The following PAICS variants were observed in gnomAD, a reference collection of about 807,000 sequenced individuals.
PAICS encodes the protein phosphoribosylaminoimidazole carboxylase and phosphoribosylaminoimidazolesuccinocarboxamide synthase, also known as bifunctional phosphoribosylaminoimidazole carboxylase/phosphoribosylaminoimidazole succinocarboxamide synthetase.
In PAICS, 33 loss-of-function variants were observed where a neutral mutation model predicts 53.7. The ratio of observed to expected loss-of-function variants is 0.61; its 90% CI spans 0.47 to 0.82. The LOEUF (loss-of-function observed/expected upper bound fraction) is 0.82. Ranked by LOEUF, PAICS falls within the 40% of genes least tolerant of loss-of-function variation. The probability of loss-of-function intolerance (pLI) is 0.00; values close to 1 mark genes in which losing one functional copy is unlikely to be tolerated. For synonymous variants in PAICS, 141 were observed against 167.2 expected (o/e 0.84, Z 1.21); for missense variants, 394 against 494.1 (o/e 0.80, Z 1.92).
intron 6 of PAICS, chr4:56,450,943 G>C (rs1348589638): frequency 3.0e-6 from 1 of 330,614 alleles, no homozygotes; most frequent in Non-Finnish European, 5.6e-6. Flanking sequence ...TCAGCCTCCC[G>C]AGTAGCTGGG....
intron 2 of PAICS, among the ~76,000 whole-genome samples, chr4:56,445,162 A>G (rs150733374): frequency 6.6e-6 from 1 of 152,280 alleles, no homozygotes; most frequent in Non-Finnish European, 1.5e-5. Flanking sequence ...GTCAGATTCA[A>G]AGAGAGGGCA....
At position 56,463,369 on chromosome 4, in the gene PAICS, C is replaced by T. The variant is rs1044250372; in HGVS notation, c.*3831C>T. On this transcript the variant is annotated 3_prime_UTR_variant, in exon 9 of 9. Transcript: ENST00000512576. The stretch of plus-strand genomic sequence containing the variant: ...GGTGGCTCACGTCTTATTTCTTCTG[C>T]TTGCCTCTGAGTTGACAAGATACCA... 1.3e-5 allele frequency: 2 copies of T among 151,348 alleles called. No individual in the cohort carries two copies. The highest frequency in any genetic ancestry group is 1.3e-4 in the Admixed American group (2 of 15,148). 9.4% of individuals were successfully genotyped at this position (151,348 alleles called of 1,614,324 possible).
intron 3 of PAICS, among the ~76,000 whole-genome samples, chr4:56,447,226 TATAA>T (rs1718669205): frequency 6.6e-6 from 1 of 152,056 alleles, no homozygotes; most frequent in South Asian, 2.1e-4. Context: ...AGTGAAAATA[TATAA>T]ATAAAGGTTG....
chr4:56,442,043 G>A (rs765452721), intron 2 of PAICS, 183 bp downstream of exon 2: 6 of 506,958 alleles, frequency 1.2e-5, no homozygotes, highest in Non-Finnish European at 2.1e-5. Context: ...GGGATTATTA[G>A]TATCATTGAA....
chr4:56,436,276 T>G lies in PAICS; in HGVS notation c.-37T>G. 1 of 1,591,844 alleles carries G rather than the reference T, an allele frequency of 6.3e-7. No homozygotes were observed. Among genetic ancestry groups the G allele is most frequent in the Middle Eastern group, 1.7e-4 (1 of 5,956 alleles). On this transcript the variant is annotated 5_prime_UTR_variant, in exon 1 of 9. Transcript: ENST00000512576. ...CTCTTTTCTAGAGTTCTGCCTCGCTTCCCGGCGCGGTCGCAGCCCTCAGCC... is the reference window on the plus strand; with the variant it reads ...CTCTTTTCTAGAGTTCTGCCTCGCTGCCCGGCGCGGTCGCAGCCCTCAGCC...
upstream of PAICS, chr4:56,435,200 G>A: frequency 1.7e-6 from 2 of 1,182,670 alleles, no homozygotes; most frequent in South Asian, 2.9e-5. Context: ...GCACGCCTAG[G>A]CAACCCGGTC....
chr4:56,454,900 G>A (rs1276421864), intron 8 of PAICS, among the ~76,000 whole-genome samples: 3 of 152,004 alleles, frequency 2.0e-5, no homozygotes, highest in Admixed American at 1.3e-4. Context: ...GCTCATGCCT[G>A]TCATCCCAGC....
At chr4:56,453,287 C>T (rs919907589) in intron 7 of PAICS, among the ~76,000 whole-genome samples, 4 of 152,098 alleles carry the variant, frequency 2.6e-5, no homozygotes, top group Non-Finnish European at 5.9e-5. Flanking sequence ...TTCACTTTGG[C>T]CAGCCTATAC....
At chr4:56,458,593 C>T (rs896652752) in intron 8 of PAICS, among the ~76,000 whole-genome samples, 2 of 152,274 alleles carry the variant, frequency 1.3e-5, no homozygotes, top group South Asian at 2.1e-4. Context: ...CATAAAATAA[C>T]GTATTAATAC....
intron 1 of PAICS, among the ~76,000 whole-genome samples, chr4:56,440,178 A>C (rs997360017): frequency 8.5e-5 from 13 of 152,236 alleles, no homozygotes; most frequent in Non-Finnish European, 1.8e-4. Flanking sequence ...CTAGGAAAGA[A>C]GAGATTGTCA....
In PAICS at chr4:56,460,823, T is replaced by G. The variant is rs957376097; in HGVS notation, c.*1285T>G. 6.6e-6 allele frequency: 1 copy of G among 152,046 alleles called. No individual in the cohort carries two copies. 9.4% of individuals were successfully genotyped at this position (152,046 alleles called of 1,614,324 possible). ...CTGTCTCTACTAAAAATACAAAAAG[T>G]AGCCAGCCGTGATGACAGGCACCTG... On this transcript the variant is annotated 3_prime_UTR_variant, in exon 9 of 9. Coordinates refer to ENST00000512576, the MANE Select transcript of PAICS (RefSeq NM_001079524.2).
At chr4:56,449,975 C>CA (rs201486050) in intron 5 of PAICS, among the ~76,000 whole-genome samples, 19,166 of 114,138 alleles carry the variant, frequency 0.17, 1,674 homozygotes, top group East Asian at 0.38. Flanking sequence ...ACTCTGTCTC[C>CA]AAAAAAAAAA....
At chr4:56,456,043 A>G (rs780843132) in intron 8 of PAICS, among the ~76,000 whole-genome samples, 1 of 152,036 alleles carries the variant, frequency 6.6e-6, no homozygotes, top group African/African-American at 2.4e-5. Flanking sequence ...TCTTGTTGGT[A>G]TACTTTCTGG....
At chr4:56,438,121 C>G (rs1376556723) in intron 1 of PAICS, among the ~76,000 whole-genome samples, 1 of 151,852 alleles carries the variant, frequency 6.6e-6, no homozygotes, top group Non-Finnish European at 1.5e-5. Context: ...GTCTGAAATC[C>G]CTTTTCATTC....
At chr4:56,454,090 T>C (rs796375639) in intron 8 of PAICS, among the ~76,000 whole-genome samples, 70 of 152,302 alleles carry the variant, frequency 4.6e-4, no homozygotes, top group African/African-American at 1.6e-3. Context: ...AAAGAAAGGC[T>C]TCCTCTTTCA....
chr4:56,448,016 T>C (rs1718704072), intron 3 of PAICS, among the ~76,000 whole-genome samples: 2 of 146,840 alleles, frequency 1.4e-5, no homozygotes. Flanking sequence ...TCTTTTTTTT[T>C]TTTTTTTTTG....
At chr4:56,414,718 T>C in the PAICS span, among the ~76,000 whole-genome samples, 4 of 152,210 alleles carry the variant, frequency 2.6e-5, no homozygotes, top group African/African-American at 9.6e-5. Context: ...AAATCTGGAC[T>C]CTAAACCAGG....
intron 2 of PAICS, among the ~76,000 whole-genome samples, chr4:56,444,981 C>T (rs978864447): frequency 1.3e-5 from 2 of 152,132 alleles, no homozygotes; most frequent in African/African-American, 4.8e-5. Flanking sequence ...TTGAAGTCAC[C>T]TGTCTATCCA....
chr4:56,413,471 A>G, the PAICS span, among the ~76,000 whole-genome samples: 4 of 152,180 alleles, frequency 2.6e-5, no homozygotes, highest in Non-Finnish European at 4.4e-5. Context: ...TTGAAACATT[A>G]TTTCTAAAAC....
Sources: gnomAD v4.1 joint callset for allele counts (sites outside exome capture counted in the v4.1 genomes callset) on GRCh38, gnomAD v4.1.1 for gene constraint, MANE v1.5 for transcripts, NCBI Gene and HGNC (gene_info 2026-07-23, HGNC 2026-07-21) for gene names.